Variants in LYPLA1 observed in about 807,000 individuals in gnomAD.
LYPLA1 encodes the protein lysophospholipase 1.
Under a neutral mutation model 34.0 loss-of-function variants are expected in LYPLA1, and 17 were observed. The observed-to-expected ratio is 0.50, with a 90% confidence interval of 0.34 to 0.75. The LOEUF (loss-of-function observed/expected upper bound fraction) is 0.75, where lower values mean the gene tolerates loss of function less well. Among genes scored for constraint, LYPLA1 ranks in the 30% least tolerant of loss-of-function variants. The pLI is 0.01. For missense variants in LYPLA1, 203 were observed against 288.8 expected, an observed-to-expected ratio of 0.70 and a Z score of 2.15; for synonymous variants, 98 against 100.8, an observed-to-expected ratio of 0.97 and a Z score of 0.17.
intron 2 of LYPLA1, among the ~76,000 whole-genome samples, chr8:54,078,878 AC>A (rs76436990): frequency 1.8e-3 from 251 of 141,572 alleles, no homozygotes; most frequent in Middle Eastern, 0.011. Context: ...ATGTTCAACA[AC>A]CCCCCCCCTT....
chr8:54,051,858 T>C (rs1226568592), intron 7 of LYPLA1, among the ~76,000 whole-genome samples: 1 of 151,616 alleles, frequency 6.6e-6, no homozygotes, highest in Non-Finnish European at 1.5e-5. Context: ...TTTTTTTTTT[T>C]TTTTCCCCCA....
chr8:54,064,373 T>C (rs976796348), intron 3 of LYPLA1, among the ~76,000 whole-genome samples: 2 of 152,034 alleles, frequency 1.3e-5, no homozygotes, highest in African/African-American at 2.4e-5. Context: ...ACCAGGATTA[T>C]GCCACTGCAC....
At position 54,054,703 on chromosome 8, in the gene LYPLA1, A is replaced by G. The variant is rs147950655; in HGVS notation, c.360+357T>C. Reference sequence around the variant, plus strand: ...AAATAAACACCACATATTCATACCTAAAACCTGTAATACGTGAAGGTAAAG... The same window carrying G: ...AAATAAACACCACATATTCATACCTGAAACCTGTAATACGTGAAGGTAAAG... On this transcript the variant is annotated intron_variant, in intron 6 of 8. Transcript: ENST00000316963. 18 of 173,630 alleles carry G rather than the reference A, an allele frequency of 1.0e-4. No individual in the cohort carries two copies. The East Asian group carries it at 2.5e-3, about 24-fold the overall frequency. 10.8% of individuals were successfully genotyped at this position (173,630 alleles called of 1,614,324 possible). A position where few individuals can be genotyped will look rare whatever the true frequency, so the allele number is the denominator to read the frequency against.
chr8:54,101,115 A>C (rs1053558775), intron 1 of LYPLA1, among the ~76,000 whole-genome samples, 176 bp from the exon 2 acceptor site: 1 of 142,196 alleles, frequency 7.0e-6, no homozygotes, highest in Non-Finnish European at 1.5e-5. Context: ...ATTCTGATCA[A>C]CTTCTCCCTT....
intron 2 of LYPLA1, among the ~76,000 whole-genome samples, chr8:54,084,124 G>GAAAAAAAAA (rs201545035): frequency 3.9e-4 from 22 of 56,370 alleles, no homozygotes; most frequent in African/African-American, 1.6e-3. Flanking sequence ...GGAGACCAAA[G>GAAAAAAAAA]AAAAAAAAAA....
chr8:54,060,689 C>CTTTTTT (rs761596145), intron 5 of LYPLA1, among the ~76,000 whole-genome samples: 1 of 123,484 alleles, frequency 8.1e-6, no homozygotes, highest in Non-Finnish European at 1.6e-5. Context: ...TTTTTTCTTC[C>CTTTTTT]TTTTTTTTTT....
At chr8:54,078,671 T>TA (rs1206001721) in intron 2 of LYPLA1, among the ~76,000 whole-genome samples, 1 of 152,198 alleles carries the variant, frequency 6.6e-6, no homozygotes, top group Non-Finnish European at 1.5e-5. Flanking sequence ...GACTTTGGGA[T>TA]AAGCAGGAAG....
At chr8:54,100,985 A>C in intron 1 of LYPLA1, 46 bp from the exon 2 acceptor site, 1 of 1,507,972 alleles carries the variant, frequency 6.6e-7, no homozygotes, top group African/African-American at 1.4e-5. Flanking sequence ...AAATAAGCCC[A>C]CACAGGATTG....
Position 54,046,994 on chromosome 8 carries a change from A to G in LYPLA1, c.*1071T>C, listed in dbSNP as rs188380158. ...AATTACAATAGATTCCTCATCTTCT[A>G]CAGTAGTTGGTTTCAAACGTGTACA... On this transcript the variant is annotated 3_prime_UTR_variant, in exon 9 of 9. Coordinates refer to ENST00000316963, the MANE Select transcript of LYPLA1 (RefSeq NM_006330.4). 12 of 152,304 alleles carry G rather than the reference A, an allele frequency of 7.9e-5. No individual in the cohort carries two copies. The highest frequency in any genetic ancestry group is 2.9e-4 in the African/African-American group (12 of 41,584). The allele number at this position is 152,304 out of a possible 1,614,324, so 9.4% of individuals were successfully genotyped here.
intron 1 of LYPLA1, 121 bp downstream of exon 1, chr8:54,101,634 G>C: frequency 1.7e-5 from 20 of 1,150,048 alleles, no homozygotes; most frequent in Non-Finnish European, 2.2e-5. Context: ...ACCCCACCCG[G>C]GCCGGGAGGA....
intron 2 of LYPLA1, among the ~76,000 whole-genome samples, chr8:54,085,374 A>G (rs538805906): frequency 6.6e-6 from 1 of 152,346 alleles, no homozygotes; most frequent in African/African-American, 2.4e-5. Flanking sequence ...GGCCTCCCAA[A>G]GTGCCGAGAT....
intron 2 of LYPLA1, among the ~76,000 whole-genome samples, chr8:54,079,120 G>A (rs573375008): frequency 4.6e-5 from 7 of 152,128 alleles, no homozygotes; most frequent in African/African-American, 9.6e-5. Context: ...TGGGATACAG[G>A]TGCCCACCAC....
intron 2 of LYPLA1, among the ~76,000 whole-genome samples, chr8:54,092,818 C>T (rs1809404950): frequency 6.6e-6 from 1 of 152,142 alleles, no homozygotes; most frequent in Non-Finnish European, 1.5e-5. Context: ...CCTGTCTCTA[C>T]TTAAAAACAA....
At chr8:54,091,642 C>T (rs898056861) in intron 2 of LYPLA1, among the ~76,000 whole-genome samples, 1 of 151,088 alleles carries the variant, frequency 6.6e-6, no homozygotes, top group African/African-American at 2.4e-5. Context: ...ACTAAGAACC[C>T]TTATATGAGA....
intron 8 of LYPLA1, 142 bp downstream of exon 8, chr8:54,050,870 C>T: frequency 1.3e-6 from 1 of 756,134 alleles, no homozygotes; most frequent in Non-Finnish European, 2.2e-6. Context: ...GTTGAATACA[C>T]ACTCATCTAA....
intron 2 of LYPLA1, among the ~76,000 whole-genome samples, chr8:54,085,590 G>A (rs1358947856): frequency 1.3e-5 from 2 of 149,792 alleles, no homozygotes; most frequent in Admixed American, 1.3e-4. Context: ...CTGCCCTGCC[G>A]CCCCGTCTGG....
chr8:54,094,173 A>G (rs1285778975), intron 2 of LYPLA1, among the ~76,000 whole-genome samples: 1 of 152,234 alleles, frequency 6.6e-6, no homozygotes, highest in African/African-American at 2.4e-5. Context: ...TCCTTGGTCT[A>G]GGAAATGTCA....
downstream of LYPLA1, among the ~76,000 whole-genome samples, chr8:54,045,802 T>C (rs1805460947): frequency 6.6e-6 from 1 of 152,234 alleles, no homozygotes; most frequent in Admixed American, 6.5e-5. Flanking sequence ...GGCTCACGCC[T>C]ATAATCCCAG....
At chr8:54,095,581 A>G (rs1809621907) in intron 2 of LYPLA1, among the ~76,000 whole-genome samples, 1 of 152,218 alleles carries the variant, frequency 6.6e-6, no homozygotes, top group Non-Finnish European at 1.5e-5. Flanking sequence ...ATCTTAACCA[A>G]GTGATAAAAC....
Sources: allele counts gnomAD v4.1 joint callset (sites outside exome capture counted in the v4.1 genomes callset), GRCh38; gene constraint gnomAD v4.1.1; transcripts MANE v1.5; gene names NCBI Gene and HGNC (gene_info 2026-07-23, HGNC 2026-07-21).